The following OR7A10 variants were observed in gnomAD, a reference collection of about 807,000 sequenced individuals.
OR7A10 encodes the protein olfactory receptor family 7 subfamily A member 10.
For synonymous variants in OR7A10, 144 were observed against 144.5 expected, an observed-to-expected ratio of 1.00 and a Z score of 0.02; for missense variants, 358 against 370.1, an observed-to-expected ratio of 0.97 and a Z score of 0.27.
At chr19:14,846,157 A>G (rs1460695487) in intron 1 of OR7A10, among the ~76,000 whole-genome samples, 1 of 151,986 alleles carries the variant, frequency 6.6e-6, no homozygotes, top group Admixed American at 6.6e-5. Flanking sequence ...TCCGTCTTAA[A>G]GAAAAAATTC....
Position 14,841,522 on chromosome 19 carries a change from G to C in OR7A10, c.356C>G (p.Ala119Gly), listed in dbSNP as rs1227505890. 6.2e-7 allele frequency: 1 copy of C among 1,614,162 alleles called. No homozygotes were observed. The highest frequency in any genetic ancestry group is 2.2e-5 in the East Asian group (1 of 44,880). ...ACAGATGGCCACAAACCGGTCATAG[G>C]CCATCACGGTCAGAAGGAAGTTATC... ...GLDNFLLTVM[A>G]YDRFVAICHP... The change falls in exon 2 of 2, where the codon GCC (alanine) becomes GGC (glycine). Residue 119 changes from alanine (A) to glycine (G), a missense_variant. Coordinates refer to ENST00000641129, the MANE Select transcript of OR7A10 (RefSeq NM_001005190.2).
intron 1 of OR7A10, among the ~76,000 whole-genome samples, chr19:14,847,095 T>C (rs937800439): frequency 3.3e-5 from 5 of 152,198 alleles, no homozygotes; most frequent in African/African-American, 1.2e-4. Context: ...TATAAGAACA[T>C]TCCTTGTGTA....
intron 1 of OR7A10, among the ~76,000 whole-genome samples, chr19:14,842,609 A>G (rs1426701498): frequency 1.3e-5 from 2 of 152,196 alleles, no homozygotes; most frequent in African/African-American, 4.8e-5. Context: ...TAGTAAGAAC[A>G]TATGGTATTT....
At chr19:14,842,837 G>A (rs775027027) in intron 1 of OR7A10, among the ~76,000 whole-genome samples, 1 of 152,148 alleles carries the variant, frequency 6.6e-6, no homozygotes, top group Non-Finnish European at 1.5e-5. Context: ...AAGTGTGGAT[G>A]TGTCCTTATG....
intron 1 of OR7A10, among the ~76,000 whole-genome samples, chr19:14,847,209 AATCC>A (rs1298955424): frequency 1.3e-5 from 2 of 152,246 alleles, no homozygotes; most frequent in African/African-American, 4.8e-5. Context: ...AATCACTTTG[AATCC>A]ATCATACAAA....
At position 14,848,571 on chromosome 19, in the gene OR7A10, G is replaced by C. The variant is rs2044954538; in HGVS notation, c.-84C>G. The C allele has an allele frequency of 1.3e-5, 2 of 152,338 alleles. 1 individual carries two copies. The highest frequency in any genetic ancestry group is 4.1e-4 in the South Asian group (2 of 4,832). 9.4% of individuals were successfully genotyped at this position (152,338 alleles called of 1,614,324 possible). On this transcript the variant is annotated 5_prime_UTR_variant, in exon 1 of 2. Coordinates refer to ENST00000641129, the MANE Select transcript of OR7A10 (RefSeq NM_001005190.2). ...TCCTCCCTGGATGGTTGATGGTGGA[G>C]ACTGAGGCTGTGTCCCAAGACAAGA...
chr19:14,845,292 T>G (rs893787136), intron 1 of OR7A10, among the ~76,000 whole-genome samples: 1 of 151,564 alleles, frequency 6.6e-6, no homozygotes. Flanking sequence ...CTGACCAACA[T>G]GGTGACACCC....
intron 1 of OR7A10, among the ~76,000 whole-genome samples, chr19:14,843,003 C>T (rs568691211): frequency 6.6e-6 from 1 of 152,050 alleles, no homozygotes; most frequent in South Asian, 2.1e-4. Flanking sequence ...ACAAACAACC[C>T]CATTAAAATG....
chr19:14,846,128 T>G (rs1315390082), intron 1 of OR7A10, among the ~76,000 whole-genome samples: 4 of 152,128 alleles, frequency 2.6e-5, no homozygotes, highest in Admixed American at 2.0e-4. Flanking sequence ...CACTCCAGCC[T>G]GGGTGACAAG....
intron 1 of OR7A10, among the ~76,000 whole-genome samples, chr19:14,847,541 C>T (rs1333356648): frequency 3.3e-5 from 5 of 151,960 alleles, no homozygotes; most frequent in African/African-American, 1.2e-4. Flanking sequence ...GATGGAGTCT[C>T]GCTCTGTCGC....
intron 1 of OR7A10, among the ~76,000 whole-genome samples, chr19:14,846,837 T>A (rs1378833670): frequency 6.6e-6 from 1 of 151,064 alleles, no homozygotes; most frequent in Non-Finnish European, 1.5e-5. Context: ...ATGGATTGAA[T>A]ACAAAAAGCT....
Position 14,841,241 on chromosome 19 carries a change from C to T in OR7A10, c.637G>A (p.Gly213Arg), listed in dbSNP as rs748757237. ...VALLGGGPLT[G>R]ILYSYSKIVS... ...ATCTTAGAGTAAGAGTACAGGATCCCAGTGAGGGGACCACCGCCCAGCAGC... is the reference window on the plus strand; with the variant it reads ...ATCTTAGAGTAAGAGTACAGGATCCTAGTGAGGGGACCACCGCCCAGCAGC... Residue 213 changes from glycine (G) to arginine (R), a missense_variant, in exon 2 of 2, where the codon GGG (glycine) becomes AGG (arginine). Coordinates refer to ENST00000641129, the MANE Select transcript of OR7A10 (RefSeq NM_001005190.2). 1.2e-6 allele frequency: 2 copies of T among 1,613,992 alleles called. No homozygotes were observed. Among genetic ancestry groups the T allele is most frequent in the African/African-American group, 2.7e-5 (2 of 74,902 alleles).
chr19:14,844,664 G>GTTTTTTTTTTTTGTT lies in OR7A10; in HGVS notation c.-12-2776_-12-2775insAACAAAAAAAAAAAA, dbSNP rs2044931826. On this transcript the variant is annotated intron_variant, in intron 1 of 1. Coordinates refer to ENST00000641129, the MANE Select transcript of OR7A10 (RefSeq NM_001005190.2). ...TTTTCACTGTTGCCTTGAGTTCTGT[G>GTTTTTTTTTTTTGTT]TTTTTTTTTTTTTTTTGAGATGGAG... is the stretch of plus-strand genomic sequence containing the variant. 2.0e-5 allele frequency among the ~76,000 whole-genome samples: 2 copies of GTTTTTTTTTTTTGTT among 97,660 alleles called. 1 individual carries two copies. The highest frequency in any genetic ancestry group is 4.0e-5 in the Non-Finnish European group (2 of 50,514). The allele number at this position is 97,660 out of a possible 152,430, so 64.1% of individuals were successfully genotyped here.
At position 14,840,988 on chromosome 19, in the gene OR7A10, A is replaced by C; in HGVS notation, c.890T>G (p.Ile297Arg). The change falls in exon 2 of 2, where the codon ATA (isoleucine) becomes AGA (arginine). Residue 297 changes from isoleucine to arginine, a missense_variant. Ile to Arg is a moderately conservative substitution (Grantham distance 97). Coordinates refer to ENST00000641129, the MANE Select transcript of OR7A10 (RefSeq NM_001005190.2). Reference protein sequence around the residue: ...PFIYSLRNKHIKGAMKTFFRG... With the variant: ...PFIYSLRNKHRKGAMKTFFRG... ...GAAGAATGTTTTCATAGCACCCTTT[A>C]TGTGTTTATTCCTCAGACTGTAGAT... The C allele has an allele frequency of 6.2e-7, 1 of 1,613,510 alleles. No individual in the cohort carries two copies. The highest frequency in any genetic ancestry group is 8.5e-7 in the Non-Finnish European group (1 of 1,179,830).
At chr19:14,845,212 C>A (rs964536284) in intron 1 of OR7A10, among the ~76,000 whole-genome samples, 2 of 152,052 alleles carry the variant, frequency 1.3e-5, no homozygotes, top group South Asian at 2.1e-4. Context: ...CGGTGGCTCA[C>A]GCCTGTAATC....
At chr19:14,846,072 T>C (rs2044941281) in intron 1 of OR7A10, among the ~76,000 whole-genome samples, 1 of 152,110 alleles carries the variant, frequency 6.6e-6, no homozygotes, top group African/African-American at 2.4e-5. Flanking sequence ...GAGAATCGCT[T>C]CAACCCGGGA....
At chr19:14,844,664 G>GTCTTTTTTTTTTTT (rs2044931541) in intron 1 of OR7A10, among the ~76,000 whole-genome samples, 1 of 97,660 alleles carries the variant, frequency 1.0e-5, no homozygotes, top group Admixed American at 1.4e-4. Context: ...TGAGTTCTGT[G>GTCTTTTTTTTTTTT]TTTTTTTTTT....
chr19:14,845,573 G>A lies in OR7A10; in HGVS notation c.-13+2927C>T, dbSNP rs542764160. On this transcript the variant is annotated intron_variant, in intron 1 of 1. Coordinates refer to ENST00000641129, the MANE Select transcript of OR7A10 (RefSeq NM_001005190.2). ...CAAGAAATCTCTGTCACACGCATCAGCCTGGGAAAAAACTTAAGGAGCTAC... is the reference window on the plus strand; with the variant it reads ...CAAGAAATCTCTGTCACACGCATCAACCTGGGAAAAAACTTAAGGAGCTAC... Among the ~76,000 whole-genome samples, 8 of 152,238 alleles carry A rather than the reference G, an allele frequency of 5.3e-5. No homozygotes were observed. In the South Asian group the frequency reaches 1.5e-3, roughly 28 times the overall value.
At chr19:14,844,500 A>G (rs1276924278) in intron 1 of OR7A10, among the ~76,000 whole-genome samples, 1 of 152,122 alleles carries the variant, frequency 6.6e-6, no homozygotes, top group Non-Finnish European at 1.5e-5. Context: ...GTGTCAGAGG[A>G]TGATGAGGAA....
Sources: allele counts gnomAD v4.1 joint callset (sites outside exome capture counted in the v4.1 genomes callset), GRCh38; gene constraint gnomAD v4.1.1; transcripts MANE v1.5; gene names NCBI Gene and HGNC (gene_info 2026-07-23, HGNC 2026-07-21).